Variants in TRIM44 observed in about 807,000 individuals in gnomAD.
TRIM44 encodes tripartite motif-containing protein 44.
Under a neutral mutation model 37.4 loss-of-function variants are expected in TRIM44, and 13 were observed. The observed-to-expected ratio is 0.35, with a 90% CI of 0.23 to 0.55. The LOEUF (loss-of-function observed/expected upper bound fraction) is 0.55. Among genes scored for constraint, TRIM44 ranks in the 20% least tolerant of loss-of-function variants. TRIM44 has a pLI of 0.89. For missense variants in TRIM44, 426 were observed against 437.2 expected (o/e 0.97, Z 0.23); for synonymous variants, 175 against 157.2 (o/e 1.11, Z -0.85).
At chr11:35,735,347 G>T (rs1852314898) in intron 3 of TRIM44, 79 bp from the exon 4 acceptor site, 3 of 1,445,028 alleles carry the variant, frequency 2.1e-6, no homozygotes, top group South Asian at 2.3e-5. Context: ...GTTGGGAGAG[G>T]GGAGGGAAAA....
chr11:35,778,133 T>A (rs1852999381), intron 4 of TRIM44, among the ~76,000 whole-genome samples: 1 of 152,172 alleles, frequency 6.6e-6, no homozygotes, highest in Admixed American at 6.5e-5. Context: ...AGTCCCATAT[T>A]TCTTGGAGGC....
chr11:35,689,480 C>T (rs1851616711), intron 2 of TRIM44, among the ~76,000 whole-genome samples: 1 of 152,182 alleles, frequency 6.6e-6, no homozygotes, highest in African/African-American at 2.4e-5. Context: ...ACATAATACG[C>T]TGTCCTAATG....
At chr11:35,696,706 G>A (rs901590178) in intron 2 of TRIM44, among the ~76,000 whole-genome samples, 5 of 151,712 alleles carry the variant, frequency 3.3e-5, no homozygotes, top group African/African-American at 1.2e-4. Context: ...AATTAGCTGG[G>A]CATCATGGTG....
At position 35,801,375 on chromosome 11, in the gene TRIM44, T is replaced by C. The variant is rs557872369; in HGVS notation, c.1008-4983T>C. Reference sequence around the variant, plus strand: ...ATAATCCTTTTACAGCAATAATCAATTAATAGATAACCAAGAACTCAGAAG... The same window carrying C: ...ATAATCCTTTTACAGCAATAATCAACTAATAGATAACCAAGAACTCAGAAG... On this transcript the variant is annotated intron_variant, in intron 4 of 4. Coordinates refer to ENST00000299413, the MANE Select transcript of TRIM44 (RefSeq NM_017583.6). Among the ~76,000 whole-genome samples the C allele has an allele frequency of 8.6e-5, 13 of 151,372 alleles. No individual in the cohort carries two copies. The East Asian group carries it at 2.5e-3, about 29-fold the overall frequency.
chr11:35,794,841 T>G (rs561911589), intron 4 of TRIM44, among the ~76,000 whole-genome samples: 1 of 152,372 alleles, frequency 6.6e-6, no homozygotes, highest in South Asian at 2.1e-4. Flanking sequence ...GCCAAGCACA[T>G]TACCAGGTAC....
At position 35,782,391 on chromosome 11, in the gene TRIM44, T is replaced by C. The variant is rs78736774; in HGVS notation, c.1008-23967T>C. ...TACTTACTCATTGTATTAGTTAGAA[T>C]TGTGTTCTGTTTTGAGGAACAGAAA... On this transcript the variant is annotated intron_variant, in intron 4 of 4. Coordinates refer to ENST00000299413, the MANE Select transcript of TRIM44 (RefSeq NM_017583.6). 7.9e-5 allele frequency among the ~76,000 whole-genome samples: 12 copies of C among 152,320 alleles called. No homozygotes were observed. The East Asian group carries it at 2.3e-3, about 29-fold the overall frequency.
At chr11:35,793,341 A>G (rs1853242004) in intron 4 of TRIM44, among the ~76,000 whole-genome samples, 1 of 152,090 alleles carries the variant, frequency 6.6e-6, no homozygotes, top group African/African-American at 2.4e-5. Flanking sequence ...CCTGGCCAAC[A>G]TGGTGAAAAC....
At chr11:35,729,216 C>A (rs1728062324) in intron 3 of TRIM44, among the ~76,000 whole-genome samples, 1 of 151,950 alleles carries the variant, frequency 6.6e-6, no homozygotes, top group Non-Finnish European at 1.5e-5. Flanking sequence ...AAGCAAACAT[C>A]ATGAAAAAAG....
intron 3 of TRIM44, among the ~76,000 whole-genome samples, chr11:35,735,148 A>G (rs1337648026): frequency 6.6e-6 from 1 of 152,222 alleles, no homozygotes; most frequent in Non-Finnish European, 1.5e-5. Flanking sequence ...CCATACAAAT[A>G]AAAAGGCAAG....
chr11:35,744,654 A>G (rs1852463644), intron 4 of TRIM44, among the ~76,000 whole-genome samples: 1 of 152,078 alleles, frequency 6.6e-6, no homozygotes, highest in South Asian at 2.1e-4. Context: ...TGCTGCACAG[A>G]TCGTCCCATC....
intron 2 of TRIM44, among the ~76,000 whole-genome samples, chr11:35,704,081 G>A (rs1421054753): frequency 6.6e-6 from 1 of 152,188 alleles, no homozygotes; most frequent in African/African-American, 2.4e-5. Flanking sequence ...TGATGGAGCT[G>A]AAAGCCAAGG....
chr11:35,677,089 A>G (rs1185919709), intron 1 of TRIM44, among the ~76,000 whole-genome samples: 1 of 152,140 alleles, frequency 6.6e-6, no homozygotes, highest in African/African-American at 2.4e-5. Context: ...ACAATTAGCT[A>G]TGTTGTTATG....
At chr11:35,786,337 C>T (rs978465144) in intron 4 of TRIM44, among the ~76,000 whole-genome samples, 2 of 152,160 alleles carry the variant, frequency 1.3e-5, no homozygotes, top group Non-Finnish European at 2.9e-5. Context: ...CCAGTCCTTT[C>T]CTTTTAGATG....
chr11:35,742,625 A>G (rs1852420750), intron 4 of TRIM44, among the ~76,000 whole-genome samples: 1 of 130,448 alleles, frequency 7.7e-6, no homozygotes, highest in Admixed American at 8.3e-5. Context: ...TATTAATTGT[A>G]TTTTATATAT....
At chr11:35,758,932 G>A (rs1426447997) in intron 4 of TRIM44, among the ~76,000 whole-genome samples, 2 of 152,128 alleles carry the variant, frequency 1.3e-5, no homozygotes, top group Middle Eastern at 3.4e-3. Flanking sequence ...TGCCCTTAAC[G>A]TTTTTTCCTT....
intron 4 of TRIM44, among the ~76,000 whole-genome samples, chr11:35,757,975 G>C (rs1453255447): frequency 2.0e-5 from 3 of 152,212 alleles, no homozygotes; most frequent in African/African-American, 7.2e-5. Context: ...TGTATATTCT[G>C]TTGATTTGGG....
At chr11:35,665,354 A>G (rs1851319388) in intron 1 of TRIM44, among the ~76,000 whole-genome samples, 1 of 152,128 alleles carries the variant, frequency 6.6e-6, no homozygotes, top group Non-Finnish European at 1.5e-5. Flanking sequence ...TATGAAGAGT[A>G]TATGAGAGTT....
chr11:35,772,612 C>A (rs1174326310), intron 4 of TRIM44, among the ~76,000 whole-genome samples: 2 of 152,232 alleles, frequency 1.3e-5, no homozygotes, highest in Non-Finnish European at 2.9e-5. Context: ...TGCTGGATTT[C>A]AGACTTTCAT....
rs566177222 is a variant in TRIM44, at chr11:35,665,098, A to G, written c.669+1318A>G. 1.6e-4 allele frequency among the ~76,000 whole-genome samples: 24 copies of G among 152,176 alleles called. No homozygotes were observed. The South Asian group carries it at 5.0e-3, about 32-fold the overall frequency. On this transcript the variant is annotated intron_variant, in intron 1 of 4. Coordinates refer to ENST00000299413, the MANE Select transcript of TRIM44 (RefSeq NM_017583.6). ...TACTATTTCGAATTCCATTTTATGA[A>G]TATGCCACAAGTTATCTATTCTGTC...
Sources: gnomAD v4.1 joint callset for allele counts (sites outside exome capture counted in the v4.1 genomes callset) on GRCh38, gnomAD v4.1.1 for gene constraint, MANE v1.5 for transcripts, NCBI Gene and HGNC (gene_info 2026-07-23, HGNC 2026-07-21) for gene names.